Variants in ANKRD60 observed in about 807,000 individuals in gnomAD.
ANKRD60 encodes the protein ankyrin repeat domain 60, also known as ankyrin repeat domain-containing protein 60.
In ANKRD60, 24 loss-of-function variants were observed where a neutral mutation model predicts 21.3. The ratio of observed to expected loss-of-function variants is 1.13; its 90% confidence interval spans 0.82 to 1.59. ANKRD60 has a LOEUF of 1.59. Among genes scored for constraint, ANKRD60 ranks in the 40% most tolerant of loss-of-function variants. ANKRD60 has a pLI of 0.00. For synonymous variants in ANKRD60, 182 were observed against 199.4 expected (o/e 0.91, Z 0.74); for missense variants, 490 against 466.7 (o/e 1.05, Z -0.46).
At chr20:58,225,292 G>C (rs1984342741) in intron 1 of ANKRD60, among the ~76,000 whole-genome samples, 1 of 152,172 alleles carries the variant, frequency 6.6e-6, no homozygotes, top group East Asian at 1.9e-4. Flanking sequence ...CCAGGCATTT[G>C]TAGTTGAGGA....
In ANKRD60 at chr20:58,228,616, G is replaced by GCCGC; in HGVS notation, c.34_37dup (p.Ala13GlyfsTer68). On this transcript the variant is annotated frameshift_variant, in exon 1 of 4. Coordinates refer to ENST00000457363, the Ensembl canonical transcript of ANKRD60. LOFTEE classifies it high-confidence loss of function. The surrounding 1 kb of genome is among the most constrained non-coding windows in gnomAD (Gnocchi z 5.3). ...CGCCCGCGCTCCGCCCGCCCCCGCC[G>GCCGC]CCGCCCGCCGCATCCCCCAGGCGCG... The GCCGC allele has an allele frequency of 1.0e-6, 1 of 975,370 alleles. No individual in the cohort carries two copies. Among genetic ancestry groups the GCCGC allele is most frequent in the Non-Finnish European group, 1.2e-6 (1 of 818,536 alleles). 60.4% of individuals were successfully genotyped at this position (975,370 alleles called of 1,614,324 possible).
Position 58,228,588 on chromosome 20 carries a change from C to G in ANKRD60, c.66G>C (p.Ala22=). 2 of 1,143,740 alleles carry G rather than the reference C, an allele frequency of 1.7e-6. No individual in the cohort carries two copies. The highest frequency in any genetic ancestry group is 2.1e-6 in the Non-Finnish European group (2 of 931,918). 70.8% of individuals were successfully genotyped at this position (1,143,740 alleles called of 1,614,324 possible). ...GGCGAGAGGCGCCCCCAGTTGGCCC[C>G]GCCGCCCGCGCTCCGCCCGCCCCCG... is the stretch of plus-strand genomic sequence containing the variant. The change falls in exon 1 of 4, where the codon GCG becomes GCC. Residue 22 remains alanine (A), a synonymous_variant. Transcript: ENST00000457363. This position sits in a 1 kb window ranked among gnomAD's most constrained non-coding sequence, Gnocchi z 5.3.
rs1984421843 is a variant in ANKRD60, at chr20:58,228,591, C to T, written c.63G>A (p.Ala21=). The stretch of plus-strand genomic sequence containing the variant: ...GAGAGGCGCCCCCAGTTGGCCCCGC[C>T]GCCCGCGCTCCGCCCGCCCCCGCCG... The change falls in exon 1 of 4, where the codon GCG becomes GCA. Residue 21 remains alanine, a synonymous_variant. Transcript: ENST00000457363. The surrounding 1 kb of genome is among the most constrained non-coding windows in gnomAD (Gnocchi z 5.3). 2.6e-6 allele frequency: 3 copies of T among 1,135,244 alleles called. No homozygotes were observed. Among genetic ancestry groups the T allele is most frequent in the Non-Finnish European group, 3.2e-6 (3 of 926,186 alleles). 70.3% of individuals were successfully genotyped at this position (1,135,244 alleles called of 1,614,324 possible).
chr20:58,223,225 A>C (rs766344578), intron 1 of ANKRD60, 43 bp from the exon 2 acceptor site: 41 of 1,491,994 alleles, frequency 2.7e-5, no homozygotes, highest in Non-Finnish European at 3.4e-5. Flanking sequence ...TTGGGTATTA[A>C]AGATAAACTA....
intron 2 of ANKRD60, 30 bp downstream of exon 2, chr20:58,223,022 T>TTTAAAG: frequency 6.5e-7 from 1 of 1,539,488 alleles, no homozygotes; most frequent in Admixed American, 2.1e-5. Flanking sequence ...TCGTAACGTA[T>TTTAAAG]AATATCCATT....
In ANKRD60 at chr20:58,218,496, T is replaced by TA; in HGVS notation, c.1036dup (p.Ter346LeufsTer?). ...GCGGGCAAACGTTCCCACCAGGAGC[T>TA]AATGAGGGGTCATCGTCATCTTCTC... On this transcript the variant is annotated frameshift_variant and stop_lost, in exon 4 of 4. Coordinates refer to ENST00000457363, the Ensembl canonical transcript of ANKRD60. LOFTEE classifies it high-confidence loss of function. 6.5e-7 allele frequency: 1 copy of TA among 1,548,114 alleles called. No homozygotes were observed. The highest frequency in any genetic ancestry group is 8.7e-7 in the Non-Finnish European group (1 of 1,144,110).
rs1024863491 is a variant in ANKRD60, at chr20:58,223,143, A to G, written c.470T>C (p.Val157Ala). The change falls in exon 2 of 4, where the codon GTT becomes GCT. Residue 157 changes from valine (V) to alanine (A), a missense_variant. Coordinates refer to ENST00000457363, the Ensembl canonical transcript of ANKRD60. The stretch of plus-strand genomic sequence containing the variant: ...TAATGAAATAATCCCTCCAGGAACA[A>G]CATCATGGAACTTCAGGGTAGTGTC... 1.0e-5 allele frequency: 16 copies of G among 1,551,418 alleles called. No homozygotes were observed. The African/African-American group carries it at 1.8e-4, about 17-fold the overall frequency.
intron 1 of ANKRD60, among the ~76,000 whole-genome samples, chr20:58,224,639 T>A (rs1166571515): frequency 6.6e-6 from 1 of 152,234 alleles, no homozygotes; most frequent in Non-Finnish European, 1.5e-5. Context: ...GCAAATCTGT[T>A]AATTAGTGTC....
downstream of ANKRD60, among the ~76,000 whole-genome samples, chr20:58,217,123 C>G (rs1461485408): frequency 6.6e-6 from 1 of 152,160 alleles, no homozygotes; most frequent in Admixed American, 6.5e-5. Context: ...AAATTCAAGC[C>G]AAATTTTAAA....
At chr20:58,220,230 T>A (rs1984218757) in intron 3 of ANKRD60, among the ~76,000 whole-genome samples, 1 of 152,168 alleles carries the variant, frequency 6.6e-6, no homozygotes, top group Non-Finnish European at 1.5e-5. Flanking sequence ...TAACATGTTC[T>A]CCCTTTTTCC....
At chr20:58,222,497 G>A (rs1482703932) in intron 2 of ANKRD60, among the ~76,000 whole-genome samples, 4 of 152,136 alleles carry the variant, frequency 2.6e-5, no homozygotes, top group East Asian at 1.9e-4. Flanking sequence ...ATTGCCCCTC[G>A]TGTCACAGTG....
Position 58,219,186 on chromosome 20 carries a change from C to T in ANKRD60, c.728-381G>A, listed in dbSNP as rs1226384971. 3.3e-5 allele frequency among the ~76,000 whole-genome samples: 5 copies of T among 152,152 alleles called. No individual in the cohort carries two copies. The East Asian group carries it at 9.6e-4, about 29-fold the overall frequency. ...CCTAAAACACACCCTGCTCTGCATC[C>T]TGCCCCAGGCCCATTCACAACATTC... On this transcript the variant is annotated intron_variant, in intron 3 of 3. Transcript: ENST00000457363.
intron 1 of ANKRD60, among the ~76,000 whole-genome samples, chr20:58,224,103 A>G (rs1341346746): frequency 7.1e-6 from 1 of 141,674 alleles, no homozygotes; most frequent in Non-Finnish European, 1.5e-5. Flanking sequence ...CCCTGTCTCC[A>G]AAAAAAAAAA....
chr20:58,227,201 T>G (rs1984382626), intron 1 of ANKRD60, among the ~76,000 whole-genome samples: 1 of 152,176 alleles, frequency 6.6e-6, no homozygotes, highest in African/African-American at 2.4e-5. Flanking sequence ...TTCTTGGTTT[T>G]GGGGTCCTAA....
chr20:58,218,924 C>T, intron 3 of ANKRD60, 119 bp from the exon 4 acceptor site: 1 of 901,732 alleles, frequency 1.1e-6, no homozygotes, highest in Non-Finnish European at 1.6e-6. Context: ...AGCTCCAGTA[C>T]TGCCCTGCCC....
At chr20:58,219,177 C>G (rs1984194695) in intron 3 of ANKRD60, among the ~76,000 whole-genome samples, 1 of 152,124 alleles carries the variant, frequency 6.6e-6, no homozygotes, top group Non-Finnish European at 1.5e-5. Context: ...ACACACCCTG[C>G]TCTGCATCCT....
chr20:58,227,650 G>T (rs1984392657), intron 1 of ANKRD60, among the ~76,000 whole-genome samples: 2 of 152,102 alleles, frequency 1.3e-5, no homozygotes, highest in Admixed American at 6.5e-5. Context: ...TTTGTTTCAG[G>T]TTTGGCATGC....
chr20:58,228,529 C>A lies in ANKRD60; in HGVS notation c.125G>T (p.Arg42Leu). 1 of 1,341,702 alleles carries A rather than the reference C, an allele frequency of 7.5e-7. No homozygotes were observed. The highest frequency in any genetic ancestry group is 9.5e-7 in the Non-Finnish European group (1 of 1,051,264). The allele number at this position is 1,341,702 out of a possible 1,614,324, so 83.1% of individuals were successfully genotyped here. The change falls in exon 1 of 4, where the codon CGG becomes CTG. Residue 42 changes from arginine (R) to leucine (L), a missense_variant. Arg to Leu is a moderately radical substitution (Grantham distance 102). Transcript: ENST00000457363. The surrounding 1 kb of genome is among the most constrained non-coding windows in gnomAD (Gnocchi z 5.3). ...CCCGCCGCACCCCTGAGCCCCGGCC[C>A]GCGCACCGCTCCTGCGTCCCGCATT...
chr20:58,219,651 G>T (rs150802017), intron 3 of ANKRD60, among the ~76,000 whole-genome samples: 1 of 152,146 alleles, frequency 6.6e-6, no homozygotes, highest in Non-Finnish European at 1.5e-5. Context: ...AGAAAACAAG[G>T]CAATTCAATT....
Sources: gnomAD v4.1 joint callset for allele counts (sites outside exome capture counted in the v4.1 genomes callset) on GRCh38, gnomAD v4.1.1 for gene constraint, Gnocchi (gnomAD v3.1) non-coding constraint, MANE v1.5 for transcripts, NCBI Gene and HGNC (gene_info 2026-07-23, HGNC 2026-07-21) for gene names.